The following ZC3H12B variants were observed in gnomAD, a reference collection of about 807,000 sequenced individuals.
The protein encoded by ZC3H12B is probable ribonuclease ZC3H12B.
In ZC3H12B, 7 loss-of-function variants were observed where a neutral mutation model predicts 43.9. The observed-to-expected ratio is 0.16, with a 90% CI of 0.09 to 0.30. ZC3H12B has a LOEUF of 0.30. ZC3H12B is among the 10% of genes least tolerant of loss of function. The probability of loss-of-function intolerance (pLI) is 1.00; values close to 1 mark genes in which losing one functional copy is unlikely to be tolerated. For synonymous variants in ZC3H12B, 222 were observed against 241.7 expected (o/e 0.92, Z 0.76); for missense variants, 475 against 670.2 (o/e 0.71, Z 3.22).
At chrX:65,090,162 T>C in the ZC3H12B span, among the ~76,000 whole-genome samples, 1 of 112,444 alleles carries the variant, frequency 8.9e-6, no homozygotes, top group Admixed American at 9.4e-5. Context: ...CGTAGGTTTG[T>C]TTCCACCAGC....
chrX:65,037,193 C>T, the ZC3H12B span, among the ~76,000 whole-genome samples: 11 of 110,487 alleles, frequency 1.0e-4, no homozygotes, highest in African/African-American at 3.6e-4. Context: ...ACACCATGGT[C>T]AACAATTGGA....
chrX:65,459,265 T>C (rs1001971221), intron 3 of ZC3H12B, among the ~76,000 whole-genome samples: 5 of 112,010 alleles, frequency 4.5e-5, no homozygotes, highest in African/African-American at 1.3e-4. Context: ...CACAGCCGAA[T>C]TCTACCAGAG....
the ZC3H12B span, among the ~76,000 whole-genome samples, chrX:65,333,313 G>A: frequency 8.9e-6 from 1 of 111,840 alleles, no homozygotes; most frequent in Non-Finnish European, 1.9e-5. Context: ...GTGTCCTGTT[G>A]CAAAGGAAAA....
chrX:65,227,635 G>A, the ZC3H12B span, among the ~76,000 whole-genome samples: 1 of 110,722 alleles, frequency 9.0e-6, no homozygotes, highest in Non-Finnish European at 1.9e-5. Context: ...TACACTGCTA[G>A]CAAGACTAAT....
At chrX:65,305,831 C>T in the ZC3H12B span, among the ~76,000 whole-genome samples, 8 of 111,583 alleles carry the variant, frequency 7.2e-5, no homozygotes, top group East Asian at 1.7e-3. Context: ...GGCAAGAACA[C>T]TATAACTACA....
chrX:65,061,852 C>T, the ZC3H12B span, among the ~76,000 whole-genome samples: 1 of 112,221 alleles, frequency 8.9e-6, no homozygotes, highest in Admixed American at 9.4e-5. Flanking sequence ...CTTTAATGAT[C>T]GCCATTCTAA....
chrX:65,418,884 C>T (rs981936618), intron 3 of ZC3H12B, among the ~76,000 whole-genome samples: 2 of 111,709 alleles, frequency 1.8e-5, no homozygotes, highest in African/African-American at 6.5e-5. Context: ...AATCTTTCTC[C>T]ATCCTTCCCC....
chrX:65,248,815 C>T, the ZC3H12B span, among the ~76,000 whole-genome samples: 2 of 111,729 alleles, frequency 1.8e-5, no homozygotes, highest in African/African-American at 6.5e-5. Context: ...TTTTGATTTA[C>T]ATTTCCCTGA....
At chrX:65,166,201 C>T in the ZC3H12B span, among the ~76,000 whole-genome samples, 2 of 110,588 alleles carry the variant, frequency 1.8e-5, no homozygotes, top group Non-Finnish European at 1.9e-5. Context: ...CCCCTCTTCC[C>T]ACCCCACGAC....
At chrX:65,503,355 GTACGTCTTAC>G in exon 5 of ZC3H12B, 1 of 508,041 alleles carries the variant, frequency 2.0e-6, no homozygotes, top group Non-Finnish European at 3.0e-6. Flanking sequence ...ACCCTGTGAG[GTACGTCTTAC>G]TAACATCCTC....
At chrX:65,045,098 T>C in the ZC3H12B span, among the ~76,000 whole-genome samples, 1 of 112,162 alleles carries the variant, frequency 8.9e-6, no homozygotes, top group African/African-American at 3.2e-5. Flanking sequence ...AAGAATCACT[T>C]GAGCTGTCGG....
At chrX:65,426,481 T>C (rs1414859746) in intron 3 of ZC3H12B, among the ~76,000 whole-genome samples, 1 of 109,503 alleles carries the variant, frequency 9.1e-6, no homozygotes, top group African/African-American at 3.3e-5. Context: ...TCAATTCAGC[T>C]TTGATCTTGG....
the ZC3H12B span, among the ~76,000 whole-genome samples, chrX:65,048,713 C>T: frequency 9.0e-6 from 1 of 110,936 alleles, no homozygotes; most frequent in Non-Finnish European, 1.9e-5. Context: ...ACCTGTTTTC[C>T]CTCCTGTGGC....
intron 3 of ZC3H12B, among the ~76,000 whole-genome samples, chrX:65,442,104 G>A (rs1023256714): frequency 9.4e-6 from 1 of 106,761 alleles, no homozygotes; most frequent in Non-Finnish European, 1.9e-5. Context: ...ACAAGCTCCA[G>A]GAAATGGAGT....
At chrX:65,085,156 C>CA in the ZC3H12B span, among the ~76,000 whole-genome samples, 2 of 110,614 alleles carry the variant, frequency 1.8e-5, no homozygotes, top group East Asian at 5.7e-4. Flanking sequence ...GTGATGGATA[C>CA]AAAAAATAGT....
chrX:65,249,442 G>A, the ZC3H12B span, among the ~76,000 whole-genome samples: 2 of 112,144 alleles, frequency 1.8e-5, no homozygotes, highest in African/African-American at 6.5e-5. Flanking sequence ...CCAGTAACAT[G>A]CTGTTTTGGT....
the ZC3H12B span, among the ~76,000 whole-genome samples, chrX:65,342,996 C>G: frequency 5.4e-5 from 6 of 110,580 alleles, no homozygotes; most frequent in Non-Finnish European, 9.5e-5. Flanking sequence ...TACCACTTAC[C>G]CCACAGAAAT....
At chrX:65,066,563 T>A in the ZC3H12B span, among the ~76,000 whole-genome samples, 1 of 111,515 alleles carries the variant, frequency 9.0e-6, no homozygotes, top group African/African-American at 3.3e-5. Flanking sequence ...CTCTTCTGTA[T>A]GAGGCGTCTG....
the ZC3H12B span, among the ~76,000 whole-genome samples, chrX:65,253,151 C>T: frequency 6.9e-4 from 77 of 111,733 alleles, no homozygotes; most frequent in African/African-American, 2.5e-3. Flanking sequence ...ACCAGGACAT[C>T]GGGAAGGCTC....
Sources: allele counts gnomAD v4.1 joint callset (sites outside exome capture counted in the v4.1 genomes callset), GRCh38; gene constraint gnomAD v4.1.1; transcripts MANE v1.5; gene names NCBI Gene and HGNC (gene_info 2026-07-23, HGNC 2026-07-21).